Variants in CEP85L observed in about 807,000 individuals in gnomAD.
CEP85L encodes the protein centrosomal protein of 85 kDa-like.
CEP85L carries 60 observed loss-of-function variants against 100.3 expected under a neutral mutation model. The observed-to-expected ratio is 0.60, with a 90% CI of 0.49 to 0.74. The LOEUF (loss-of-function observed/expected upper bound fraction) is 0.74. Ranked by LOEUF, CEP85L falls within the 30% of genes least tolerant of loss-of-function variation. The probability of loss-of-function intolerance (pLI) is 0.00; values close to 1 mark genes in which losing one functional copy is unlikely to be tolerated. For synonymous variants in CEP85L, 319 were observed against 322.7 expected (o/e 0.99, Z 0.12); for missense variants, 973 against 936.2 (o/e 1.04, Z -0.51).
intron 4 of CEP85L, among the ~76,000 whole-genome samples, chr6:118,518,320 T>C (rs1426337807): frequency 1.3e-5 from 2 of 152,236 alleles, no homozygotes; most frequent in Non-Finnish European, 2.9e-5. Flanking sequence ...AGCTCCTCTT[T>C]GTACCTCTGT....
At chr6:118,568,107 T>TA (rs958922282) in intron 2 of CEP85L, among the ~76,000 whole-genome samples, 3 of 152,172 alleles carry the variant, frequency 2.0e-5, no homozygotes, top group Admixed American at 6.5e-5. Context: ...GGTGTGGAGC[T>TA]ACCATTTTTG....
intron 7 of CEP85L, among the ~76,000 whole-genome samples, chr6:118,483,194 C>T (rs1419197035): frequency 6.6e-6 from 1 of 151,272 alleles, no homozygotes; most frequent in Admixed American, 6.6e-5. Flanking sequence ...GAGAGTGGCC[C>T]TCACCTCAGT....
intron 3 of CEP85L, among the ~76,000 whole-genome samples, chr6:118,527,256 C>T (rs115452774): frequency 0.012 from 1,827 of 152,060 alleles, 30 homozygotes; most frequent in African/African-American, 0.042. Context: ...CTGCCCGATT[C>T]GGCTTCCCAA....
At chr6:118,651,079 T>C (rs1343561850) in intron 1 of CEP85L, 118 bp downstream of exon 1, 3 of 1,349,224 alleles carry the variant, frequency 2.2e-6, no homozygotes, top group Admixed American at 4.0e-5. Context: ...CGCGGCGGCG[T>C]CGGGGAGGCG....
chr6:118,477,302 T>C (rs1485366750), intron 10 of CEP85L, among the ~76,000 whole-genome samples: 1 of 152,188 alleles, frequency 6.6e-6, no homozygotes, highest in East Asian at 1.9e-4. Context: ...CATATACTTT[T>C]ACATGAAGTA....
chr6:118,482,625 C>CAA (rs975639862), intron 7 of CEP85L, among the ~76,000 whole-genome samples: 4 of 152,158 alleles, frequency 2.6e-5, no homozygotes, highest in Admixed American at 1.3e-4. Context: ...GGGCTACTTC[C>CAA]ACCTTTTGGC....
Position 118,481,893 on chromosome 6 carries a change from G to T in CEP85L, c.1631C>A (p.Ala544Asp). 1 of 1,578,466 alleles carries T rather than the reference G, an allele frequency of 6.3e-7. No individual in the cohort carries two copies. ...LEEKNKNLQEALIDTEKKLEE... is the reference protein window; with the variant it reads ...LEEKNKNLQEDLIDTEKKLEE... ...AAGTTTTTTTTCTGTATCTATCAAA[G>T]CCTCTTGTAAATTCTTATTTTTTTC... The change falls in exon 8 of 13, where the codon GCT (alanine) becomes GAT (aspartate). Residue 544 changes from alanine to aspartate, a missense_variant. By Grantham distance (126) the Ala-to-Asp change is moderately radical. This residue lies in a region of CEP85L where 890 missense variants were observed against 844.5 expected (regional missense o/e 1.05). Transcript: ENST00000368491.
chr6:118,607,132 T>C (rs1046473421), intron 2 of CEP85L, among the ~76,000 whole-genome samples: 10 of 152,114 alleles, frequency 6.6e-5, no homozygotes, highest in Non-Finnish European at 1.3e-4. Flanking sequence ...CATTAGCCAC[T>C]CTGCTTAGCA....
chr6:118,672,829 G>A (rs372207048), intron 1 of CEP85L, among the ~76,000 whole-genome samples: 12 of 151,678 alleles, frequency 7.9e-5, no homozygotes, highest in Non-Finnish European at 8.8e-5. Flanking sequence ...GGAGGAAGAG[G>A]AGGAGGAGGA....
chr6:118,539,743 T>C (rs1175107133), intron 3 of CEP85L, among the ~76,000 whole-genome samples: 1 of 151,960 alleles, frequency 6.6e-6, no homozygotes, highest in African/African-American at 2.4e-5. Context: ...ATCATGATGC[T>C]CTCCCTCCCC....
At chr6:118,482,993 T>C (rs1281525813) in intron 7 of CEP85L, among the ~76,000 whole-genome samples, 1 of 152,180 alleles carries the variant, frequency 6.6e-6, no homozygotes, top group Admixed American at 6.5e-5. Flanking sequence ...GCACTGCTAT[T>C]GGCACTTAGT....
chr6:118,648,635 G>C (rs1775354545), intron 1 of CEP85L, among the ~76,000 whole-genome samples: 1 of 151,734 alleles, frequency 6.6e-6, no homozygotes, highest in African/African-American at 2.4e-5. Flanking sequence ...CCAGCTACTC[G>C]GGAGGCTGAG....
intron 10 of CEP85L, among the ~76,000 whole-genome samples, chr6:118,475,631 G>C (rs566664554): frequency 6.6e-6 from 1 of 152,228 alleles, no homozygotes; most frequent in East Asian, 1.9e-4. Context: ...TGGGATGACA[G>C]GTGTGAGCCA....
chr6:118,692,846 T>C (rs989747509), intron 1 of CEP85L, among the ~76,000 whole-genome samples: 4 of 152,168 alleles, frequency 2.6e-5, no homozygotes, highest in Non-Finnish European at 5.9e-5. Context: ...AATCATAAGG[T>C]AGTTCCACTA....
intron 3 of CEP85L, among the ~76,000 whole-genome samples, chr6:118,538,549 A>G (rs1363446549): frequency 6.6e-6 from 1 of 152,046 alleles, no homozygotes; most frequent in East Asian, 1.9e-4. Context: ...TTAAAAATCA[A>G]TCCAGTTTAT....
intron 3 of CEP85L, chr6:118,565,029 T>G (rs1331993777): frequency 1.2e-5 from 1 of 81,358 alleles, no homozygotes; most frequent in Non-Finnish European, 3.0e-5. Context: ...TTTATAAACC[T>G]AAATAACATC....
At chr6:118,504,616 G>A (rs942258411) in intron 5 of CEP85L, among the ~76,000 whole-genome samples, 1 of 152,158 alleles carries the variant, frequency 6.6e-6, no homozygotes, top group Non-Finnish European at 1.5e-5. Context: ...AATGGGTTAA[G>A]TGTAAGTAAA....
At chr6:118,660,917 G>A (rs934473853) in intron 1 of CEP85L, among the ~76,000 whole-genome samples, 3 of 150,190 alleles carry the variant, frequency 2.0e-5, no homozygotes, top group Non-Finnish European at 4.4e-5. Flanking sequence ...ACGGAGTCTC[G>A]CACTGTCGCC....
chr6:118,656,748 A>T (rs1421424662), upstream of CEP85L: 4 of 152,330 alleles, frequency 2.6e-5, no homozygotes, highest in East Asian at 7.7e-4. Context: ...CATCTTAAAA[A>T]TTTTCTTTAT....
Sources: gnomAD v4.1 joint callset for allele counts (sites outside exome capture counted in the v4.1 genomes callset) on GRCh38, gnomAD v4.1.1 for gene constraint, gnomAD v4.1.1 regional missense constraint, MANE v1.5 for transcripts, NCBI Gene and HGNC (gene_info 2026-07-23, HGNC 2026-07-21) for gene names.